The following KCNQ1 variants were observed in gnomAD, a reference collection of about 807,000 sequenced individuals.
KCNQ1 encodes potassium voltage-gated channel subfamily KQT member 1.
Under a neutral mutation model 72.4 loss-of-function variants are expected in KCNQ1, and 49 were observed. The ratio of observed to expected loss-of-function variants is 0.68; its 90% CI spans 0.54 to 0.86. The LOEUF (loss-of-function observed/expected upper bound fraction) is 0.86, where lower values mean the gene tolerates loss of function less well. Ranked by LOEUF, KCNQ1 falls within the 40% of genes least tolerant of loss-of-function variation. The pLI is 0.00. For missense variants in KCNQ1, 790 were observed against 945.1 expected (o/e 0.84, Z 2.15); for synonymous variants, 450 against 412.6 (o/e 1.09, Z -1.10).
intron 6 of KCNQ1, among the ~76,000 whole-genome samples, chr11:2,581,504 G>GC (rs1285382612): frequency 6.6e-6 from 1 of 152,204 alleles, no homozygotes; most frequent in African/African-American, 2.4e-5. Context: ...TTCCCCCAGG[G>GC]CCCCCCTCTC....
chr11:2,743,827 A>C (rs1321912562), intron 11 of KCNQ1, among the ~76,000 whole-genome samples: 1 of 152,222 alleles, frequency 6.6e-6, no homozygotes, highest in Non-Finnish European at 1.5e-5. Context: ...ACTGCCTCAG[A>C]AAGGAATCTC....
Position 2,566,315 on chromosome 11 carries a change from C to A in KCNQ1, c.478-4313C>A, listed in dbSNP as rs1288792913. ...ATGTCTGTGCATGAGAGTGGTCAGC[C>A]CTCCATGGCAGGCCTGGCCTCACCT... On this transcript the variant is annotated intron_variant, in intron 2 of 15. Transcript: ENST00000155840. This position sits in a 1 kb window ranked among gnomAD's most constrained non-coding sequence, Gnocchi z 6.7. Among the ~76,000 whole-genome samples the A allele has an allele frequency of 6.6e-6, 1 of 152,194 alleles. No homozygotes were observed. The highest frequency in any genetic ancestry group is 2.4e-5 in the African/African-American group (1 of 41,438).
intron 11 of KCNQ1, 57 bp downstream of exon 11, chr11:2,662,138 T>G: frequency 2.5e-6 from 4 of 1,609,884 alleles, no homozygotes; most frequent in Non-Finnish European, 3.4e-6. Context: ...GCTCAAGGAG[T>G]CAGACTTGGT....
At chr11:2,638,901 C>G (rs1849523934) in intron 10 of KCNQ1, 1 of 152,152 alleles carries the variant, frequency 6.6e-6, no homozygotes, top group African/African-American at 2.4e-5. Context: ...TTCTTGGAGG[C>G]TTTGTTCGTT....
chr11:2,643,798 G>C (rs1330404548), intron 10 of KCNQ1: 2 of 398,558 alleles, frequency 5.0e-6, no homozygotes, highest in Non-Finnish European at 8.8e-6. Context: ...TTAATTCCCT[G>C]AGCTTTTACT....
At chr11:2,800,877 G>C (rs1847249722) in intron 15 of KCNQ1, among the ~76,000 whole-genome samples, 1 of 152,218 alleles carries the variant, frequency 6.6e-6, no homozygotes, top group Non-Finnish European at 1.5e-5. Context: ...AGAACAGGAT[G>C]GCGCTGGGGC....
At chr11:2,560,051 G>A (rs1020312055) in intron 2 of KCNQ1, among the ~76,000 whole-genome samples, 4 of 147,366 alleles carry the variant, frequency 2.7e-5, no homozygotes, top group East Asian at 2.1e-4. Flanking sequence ...AGGGGGTACC[G>A]CCAGCCTGGG....
intron 1 of KCNQ1, among the ~76,000 whole-genome samples, chr11:2,502,630 A>C (rs201779115): frequency 1.3e-5 from 2 of 152,214 alleles, no homozygotes; most frequent in Non-Finnish European, 2.9e-5. Flanking sequence ...CTACAGATTC[A>C]GTGCACCCCC....
At position 2,558,648 on chromosome 11, in the gene KCNQ1, G is replaced by A. The variant is rs181629141; in HGVS notation, c.478-11980G>A. ...GCGCTTCGGGAACCCCCACCCCGCCGGCTTGCGCAGCGAGCTGGGTCCCAG... is the reference window on the plus strand; with the variant it reads ...GCGCTTCGGGAACCCCCACCCCGCCAGCTTGCGCAGCGAGCTGGGTCCCAG... On this transcript the variant is annotated intron_variant, in intron 2 of 15. Coordinates refer to ENST00000155840, the MANE Select transcript of KCNQ1 (RefSeq NM_000218.3). 1.4e-3 allele frequency among the ~76,000 whole-genome samples: 212 copies of A among 152,332 alleles called. 3 individuals are homozygous for A. In the East Asian group the frequency reaches 0.031, roughly 22 times the overall value.
intron 1 of KCNQ1, among the ~76,000 whole-genome samples, chr11:2,523,024 C>T (rs1481297104): frequency 2.0e-5 from 3 of 152,198 alleles, no homozygotes; most frequent in African/African-American, 7.2e-5. Flanking sequence ...CTCCTGAGCA[C>T]AGGACATGGG....
rs1849263595 is a variant in KCNQ1, at chr11:2,626,447, G to T, written c.1394-35514G>T. ...ATCATGTATACAAGGGTTTATTTTTGGGCTCTCTATTCAATTCCATTGGTC... is the reference window on the plus strand; with the variant it reads ...ATCATGTATACAAGGGTTTATTTTTTGGCTCTCTATTCAATTCCATTGGTC... On this transcript the variant is annotated intron_variant, in intron 10 of 15. Transcript: ENST00000155840. This position sits in a 1 kb window ranked among gnomAD's most constrained non-coding sequence, Gnocchi z 4.0. 2.5e-6 allele frequency: 1 copy of T among 398,356 alleles called. No individual in the cohort carries two copies. Among genetic ancestry groups the T allele is most frequent in the African/African-American group, 2.1e-5 (1 of 48,570 alleles). 24.7% of individuals were successfully genotyped at this position (398,356 alleles called of 1,614,324 possible). A position where few individuals can be genotyped will look rare whatever the true frequency, so the allele number is the denominator to read the frequency against.
In KCNQ1 at chr11:2,516,780, G is replaced by C. The variant is rs558321014; in HGVS notation, c.387-11148G>C. On this transcript the variant is annotated intron_variant, in intron 1 of 15. Coordinates refer to ENST00000155840, the MANE Select transcript of KCNQ1 (RefSeq NM_000218.3). The surrounding 1 kb of genome is among the most constrained non-coding windows in gnomAD (Gnocchi z 7.0). ...AGGCCACCTGCCCCACCACGCCTAG[G>C]ACATTTCCTCTCTGGCCCAGAGGTG... Among the ~76,000 whole-genome samples, 1 of 152,138 alleles carries C rather than the reference G, an allele frequency of 6.6e-6. No individual in the cohort carries two copies. The highest frequency in any genetic ancestry group is 1.5e-5 in the Non-Finnish European group (1 of 68,018).
intron 15 of KCNQ1, among the ~76,000 whole-genome samples, chr11:2,811,850 G>A (rs1355027365): frequency 2.0e-5 from 3 of 152,198 alleles, no homozygotes; most frequent in African/African-American, 4.8e-5. Flanking sequence ...CCTGGAAAAC[G>A]GTGCTCAGTG....
intron 15 of KCNQ1, 103 bp downstream of exon 15, chr11:2,778,140 C>A: frequency 1.8e-6 from 2 of 1,140,040 alleles, no homozygotes; most frequent in East Asian, 2.4e-5. Context: ...GCAGGCCTCC[C>A]CACCTTCCCG....
intron 12 of KCNQ1, among the ~76,000 whole-genome samples, chr11:2,771,148 G>A (rs562919854): frequency 9.6e-4 from 146 of 152,360 alleles, no homozygotes; most frequent in African/African-American, 3.3e-3. Flanking sequence ...CGCCACTTGG[G>A]CATCCTGGGG....
In KCNQ1 at chr11:2,696,969, A is replaced by AT. The variant is rs545020900; in HGVS notation, c.1514+34898dup. 627 of 393,970 alleles carry AT rather than the reference A, an allele frequency of 1.6e-3. 3 individuals carry two copies. The highest frequency in any genetic ancestry group is 0.01 in the African/African-American group (503 of 48,046). 24.4% of individuals were successfully genotyped at this position (393,970 alleles called of 1,614,324 possible). A position where few individuals can be genotyped will look rare whatever the true frequency, so the allele number is the denominator to read the frequency against. On this transcript the variant is annotated intron_variant, in intron 11 of 15. Coordinates refer to ENST00000155840, the MANE Select transcript of KCNQ1 (RefSeq NM_000218.3). ...CTCTCTTTAGTTGTTAAGTTCCTTA[A>AT]TTTTTTTTTTCCATGTAGCCCAGTA... is the stretch of plus-strand genomic sequence containing the variant.
intron 11 of KCNQ1, chr11:2,685,175 A>G (rs1163805176): frequency 2.5e-6 from 1 of 398,650 alleles, no homozygotes; most frequent in East Asian, 3.6e-5. Context: ...CCCCATCTGC[A>G]TGGAATGCCC....
chr11:2,700,358 C>T (rs1850784034), intron 11 of KCNQ1, among the ~76,000 whole-genome samples: 1 of 152,154 alleles, frequency 6.6e-6, no homozygotes, highest in Non-Finnish European at 1.5e-5. Context: ...GGCCAGTTCT[C>T]TGCGTGATGT....
At chr11:2,696,066 A>C (rs1046799795) in intron 11 of KCNQ1, 4 of 398,474 alleles carry the variant, frequency 1.0e-5, no homozygotes, top group African/African-American at 6.2e-5. Flanking sequence ...AACAGTCTTG[A>C]CCCTTGCCAT....
Sources: gnomAD v4.1 joint callset for allele counts (sites outside exome capture counted in the v4.1 genomes callset) on GRCh38, gnomAD v4.1.1 for gene constraint, Gnocchi (gnomAD v3.1) non-coding constraint, MANE v1.5 for transcripts, NCBI Gene and HGNC (gene_info 2026-07-23, HGNC 2026-07-21) for gene names.